The following EPRS1 variants were observed in gnomAD, a reference collection of about 807,000 sequenced individuals.
EPRS1 encodes the protein bifunctional glutamate/proline--tRNA ligase.
EPRS1 carries 107 observed loss-of-function variants against 188.3 expected under a neutral mutation model. That is an observed-to-expected ratio of 0.57 (90% CI 0.49 to 0.67). The LOEUF (loss-of-function observed/expected upper bound fraction) is 0.67. Ranked by LOEUF, EPRS1 falls within the 30% of genes least tolerant of loss-of-function variation. The pLI, the probability that EPRS1 is intolerant of heterozygous loss-of-function variation, is 0.00. For missense variants in EPRS1, 1,577 were observed against 1,802.2 expected (o/e 0.88, Z 2.26); for synonymous variants, 596 against 593.1 (o/e 1.00, Z -0.07).
intron 17 of EPRS1, among the ~76,000 whole-genome samples, chr1:219,999,220 G>A (rs1479617446): frequency 3.3e-5 from 5 of 152,092 alleles, no homozygotes; most frequent in African/African-American, 7.2e-5. Flanking sequence ...ACATCACAGG[G>A]AAAAGCATTA....
Position 219,987,214 on chromosome 1 carries a change from G to A in EPRS1, c.2966C>T (p.Pro989Leu), listed in dbSNP as rs375007862. 5.0e-6 allele frequency: 8 copies of A among 1,614,090 alleles called. No individual in the cohort carries two copies. The highest frequency in any genetic ancestry group is 6.8e-6 in the Non-Finnish European group (8 of 1,179,996). ...QKQNDGQRKD[P>L]SKNQGGGLSS... ...GAGCCCACCTCCTTGGTTTTTAGAA[G>A]GGTCTTTCCTTTGGCCATCATTTTG... The change falls in exon 20 of 32, where the codon CCT becomes CTT. Residue 989 changes from proline (P) to leucine (L), a missense_variant. Pro to Leu is a moderately conservative substitution (Grantham distance 98). Around this residue, in one of 3 missense-constraint regions of EPRS1, gnomAD observed 1,278 missense variants for 1,457.4 expected, o/e 0.88. Coordinates refer to ENST00000366923, the MANE Select transcript of EPRS1 (RefSeq NM_004446.3).
At chr1:219,990,859 T>C (rs1176631962) in intron 18 of EPRS1, among the ~76,000 whole-genome samples, 6 of 152,274 alleles carry the variant, frequency 3.9e-5, no homozygotes, top group Admixed American at 3.9e-4. Flanking sequence ...TACAATATCA[T>C]ACAACAGCAG....
chr1:219,997,183 C>G lies in EPRS1; in HGVS notation c.2341G>C (p.Val781Leu). 1 of 1,614,042 alleles carries G rather than the reference C, an allele frequency of 6.2e-7. No individual in the cohort carries two copies. Among genetic ancestry groups the G allele is most frequent in the Non-Finnish European group, 8.5e-7 (1 of 1,179,946 alleles). The change falls in exon 18 of 32, where the codon GTA (valine) becomes CTA (leucine). Residue 781 changes from valine (V) to leucine (L), a missense_variant. By Grantham distance (32) the Val-to-Leu change is conservative. This residue lies in a region of EPRS1 where 1,278 missense variants were observed against 1,457.4 expected (regional missense o/e 0.88). Coordinates refer to ENST00000366923, the MANE Select transcript of EPRS1 (RefSeq NM_004446.3). ...GCTTTCAAAGACAAAAGCTGTTTTA[C>G]AGCTGCATCTACATCTTCCTTTGGT... The part of the protein sequence containing the change: ...KAPKEDVDAA[V>L]KQLLSLKAEY...
intron 1 of EPRS1, among the ~76,000 whole-genome samples, chr1:220,044,681 CAAAAAAAAAAAAAAAA>C (rs71560597): frequency 0.076 from 6,749 of 88,590 alleles, 303 homozygotes; most frequent in East Asian, 0.27. Context: ...GCTCGGTCTC[CAAAAAAAAAAAAAAAA>C]AAAAAAAAAA....
At chr1:220,042,834 T>TTG (rs1662324358) in intron 1 of EPRS1, among the ~76,000 whole-genome samples, 2 of 151,878 alleles carry the variant, frequency 1.3e-5, no homozygotes, top group African/African-American at 4.8e-5. Flanking sequence ...GGCAGGAGGA[T>TTG]CACATGAAAC....
chr1:220,010,928 T>C lies in EPRS1; in HGVS notation c.1605+18A>G. 1 of 1,440,630 alleles carries C rather than the reference T, an allele frequency of 6.9e-7. No homozygotes were observed. The highest frequency in any genetic ancestry group is 9.8e-7 in the Non-Finnish European group (1 of 1,024,468). The allele number at this position is 1,440,630 out of a possible 1,614,324, so 89.2% of individuals were successfully genotyped here. On this transcript the variant is annotated intron_variant, in intron 13 of 31. Transcript: ENST00000366923. ...CTTTTAACAGAGAGAAACACATTGG[T>C]GAAACTGTAAGAGTGACCTTTGGGT...
chr1:220,008,541 T>A (rs1661541443), intron 13 of EPRS1, among the ~76,000 whole-genome samples: 1 of 152,146 alleles, frequency 6.6e-6, no homozygotes, highest in African/African-American at 2.4e-5. Context: ...CAGAATAGAA[T>A]ACTGACAGGC....
At position 220,030,448 on chromosome 1, in the gene EPRS1, A is replaced by T. The variant is rs1224789970; in HGVS notation, c.561T>A (p.Phe187Leu). 3 of 1,614,150 alleles carry T rather than the reference A, an allele frequency of 1.9e-6. No homozygotes were observed. The highest frequency in any genetic ancestry group is 1.7e-5 in the Admixed American group (1 of 60,026). Residue 187 changes from phenylalanine (F) to leucine (L), a missense_variant, in exon 6 of 32, where the codon TTT (phenylalanine) becomes TTA (leucine). By Grantham distance (22) the Phe-to-Leu change is conservative (BLOSUM62 0). This residue lies in a region of EPRS1 where 1,278 missense variants were observed against 1,457.4 expected (regional missense o/e 0.88). Coordinates refer to ENST00000366923, the MANE Select transcript of EPRS1 (RefSeq NM_004446.3). The part of the protein sequence containing the change: ...APEKKQDVGK[F>L]VELPGAEMGK... ...CCATCTCCGCACCTGGAAGCTCAAC[A>T]AATTTCCCAACATCTTGCTTTTTCT...
chr1:220,018,095 G>C (rs181248585), intron 12 of EPRS1: 1 of 1,274,606 alleles, frequency 7.8e-7, no homozygotes. Context: ...TAAAAGCTAT[G>C]TTTAAGGCAA....
At chr1:219,986,099 G>C (rs1320193793) in intron 20 of EPRS1, among the ~76,000 whole-genome samples, 1 of 152,174 alleles carries the variant, frequency 6.6e-6, no homozygotes, top group Non-Finnish European at 1.5e-5. Flanking sequence ...TTGTGTATAT[G>C]ACATGAGAGC....
At position 220,033,631 on chromosome 1, in the gene EPRS1, T is replaced by A. The variant is rs1266865333; in HGVS notation, c.259A>T (p.Thr87Ser). The change falls in exon 4 of 32, where the codon ACA (threonine) becomes TCA (serine). Residue 87 changes from threonine (T) to serine (S), a missense_variant. Transcript: ENST00000366923. ...EIDHWLEFSA[T>S]KLSSCDSFTS... ...AAGGAATCACATGAAGATAATTTTG[T>A]AGCACTGAACTCCAACCAGTGATCA... The A allele has an allele frequency of 6.2e-7, 1 of 1,608,846 alleles. No homozygotes were observed. The highest frequency in any genetic ancestry group is 2.2e-5 in the East Asian group (1 of 44,782).
In EPRS1 at chr1:220,022,400, T is replaced by C. The variant is rs760560587; in HGVS notation, c.1062A>G (p.Pro354=). The C allele has an allele frequency of 1.9e-6, 3 of 1,614,174 alleles. No individual in the cohort carries two copies. In the Admixed American group the frequency reaches 5.0e-5, roughly 27 times the overall value. Residue 354 remains proline, a synonymous_variant, in exon 9 of 32, where the codon CCA becomes CCG. Transcript: ENST00000366923. The part of the protein sequence containing the change: ...MSSNNGCMRD[P]TLYRCKIQPH... ...GTTGAATTTTGCAGCGATAAAGGGT[T>C]GGATCTCTCATGCATCCATTGTTAC...
At chr1:219,971,783 A>C (rs967158637) in intron 30 of EPRS1, among the ~76,000 whole-genome samples, 1 of 62,200 alleles carries the variant, frequency 1.6e-5, no homozygotes, top group South Asian at 6.5e-4. Flanking sequence ...GAAAACAAAG[A>C]CTATATATAT....
chr1:219,975,206 T>C (rs1660753331), intron 28 of EPRS1, among the ~76,000 whole-genome samples: 1 of 152,102 alleles, frequency 6.6e-6, no homozygotes, highest in Non-Finnish European at 1.5e-5. Context: ...CAAGAGGGCA[T>C]CTGCACATGA....
intron 1 of EPRS1, among the ~76,000 whole-genome samples, 160 bp from the exon 2 acceptor site, chr1:220,040,429 C>T (rs1476063517): frequency 2.0e-5 from 3 of 152,208 alleles, no homozygotes; most frequent in African/African-American, 7.2e-5. Flanking sequence ...AGTCTTTTGT[C>T]TCAGAGCAGC....
chr1:219,968,908 A>G lies in EPRS1; in HGVS notation c.4437T>C (p.Leu1479=). The G allele has an allele frequency of 6.2e-7, 1 of 1,614,108 alleles. No individual in the cohort carries two copies. Among genetic ancestry groups the G allele is most frequent in the Non-Finnish European group, 8.5e-7 (1 of 1,179,980 alleles). The change falls in exon 32 of 32, where the codon CTT becomes CTC. Residue 1479 remains leucine, a synonymous_variant. Coordinates refer to ENST00000366923, the MANE Select transcript of EPRS1 (RefSeq NM_004446.3). The part of the protein sequence containing the change: ...PGAPSMGAKS[L]CIPFKPLCEL... Reference sequence around the variant, plus strand: ...CACAGAGTGGTTTGAAGGGGATGCAAAGGCTTTTAGCTCCCATGGATGGAG... The same window carrying G: ...CACAGAGTGGTTTGAAGGGGATGCAGAGGCTTTTAGCTCCCATGGATGGAG...
At position 220,001,127 on chromosome 1, in the gene EPRS1, A is replaced by G. The variant is rs772058108; in HGVS notation, c.2181+11T>C. 16 of 1,465,656 alleles carry G rather than the reference A, an allele frequency of 1.1e-5. No individual in the cohort carries two copies. Among genetic ancestry groups the G allele is most frequent in the African/African-American group, 2.8e-5 (2 of 72,034 alleles). The allele number at this position is 1,465,656 out of a possible 1,614,324, so 90.8% of individuals were successfully genotyped here. A position where few individuals can be genotyped will look rare whatever the true frequency, so the allele number is the denominator to read the frequency against. ...ATTTATTTTTATACACATATCCGTA[A>G]AAGTCATTACCTCATTTTTTGTGGC... On this transcript the variant is annotated intron_variant, in intron 17 of 31. Transcript: ENST00000366923.
rs1188822542 is a variant in EPRS1 at position 219,969,962 on chromosome 1, C to T, written c.4324-840G>A. 5.9e-5 allele frequency among the ~76,000 whole-genome samples: 9 copies of T among 152,132 alleles called. No homozygotes were observed. The East Asian group carries it at 1.5e-3, about 26-fold the overall frequency. The stretch of plus-strand genomic sequence containing the variant: ...CAGCCTCCTAGTGTAGCTGGAATTA[C>T]AGGCGTGTGCCACCATGCCCAGCTA... On this transcript the variant is annotated intron_variant, in intron 30 of 31. Transcript: ENST00000366923.
Position 220,046,474 on chromosome 1 carries a change from G to A in EPRS1, c.-86C>T. On this transcript the variant is annotated 5_prime_UTR_variant, in exon 1 of 32. In the 5' UTR this introduces an upstream ATG that the reference lacks. Coordinates refer to ENST00000366923, the MANE Select transcript of EPRS1 (RefSeq NM_004446.3). ...CCCCGCGAAAGGAAGAAGATGCAAC[G>A]TGTGCGCGTACCCGACGCCGCCGCA... 9 of 1,568,232 alleles carry A rather than the reference G, an allele frequency of 5.7e-6. No individual in the cohort carries two copies. Among genetic ancestry groups the A allele is most frequent in the Non-Finnish European group, 7.8e-6 (9 of 1,158,506 alleles).
Sources: gnomAD v4.1 joint callset for allele counts (sites outside exome capture counted in the v4.1 genomes callset) on GRCh38, gnomAD v4.1.1 for gene constraint, gnomAD v4.1.1 regional missense constraint, MANE v1.5 for transcripts, NCBI Gene and HGNC (gene_info 2026-07-23, HGNC 2026-07-21) for gene names.